The following BDP1 variants were observed in gnomAD, a reference collection of about 807,000 sequenced individuals.
The protein encoded by BDP1 is transcription factor TFIIIB component B'' homolog.
A neutral mutation model predicts 266.6 loss-of-function variants in BDP1; 169 were observed. The observed-to-expected ratio is 0.63, with a 90% CI of 0.56 to 0.72. The LOEUF is 0.72. Among genes scored for constraint, BDP1 ranks in the 30% least tolerant of loss-of-function variants. The pLI, the probability that BDP1 is intolerant of heterozygous loss-of-function variation, is 0.00. For synonymous variants in BDP1, 1,090 were observed against 1,022.4 expected (o/e 1.07, Z -1.26); for missense variants, 3,015 against 3,053.8 (o/e 0.99, Z 0.30).
At chr5:71,532,688 A>G in intron 26 of BDP1, among the ~76,000 whole-genome samples, 1 of 152,314 alleles carries the variant, frequency 6.6e-6, no homozygotes, top group East Asian at 1.9e-4. Flanking sequence ...AAGTTAAAAT[A>G]TATTCTGTTG....
chr5:71,552,485 C>T (rs377091051), intron 34 of BDP1, among the ~76,000 whole-genome samples: 2 of 151,808 alleles, frequency 1.3e-5, no homozygotes, highest in African/African-American at 2.4e-5. Context: ...GAGGTGGAGG[C>T]TGTAGCGAGC....
chr5:71,568,250 G>C (rs1423405025), downstream of BDP1, among the ~76,000 whole-genome samples: 1 of 152,170 alleles, frequency 6.6e-6, no homozygotes, highest in Non-Finnish European at 1.5e-5. Context: ...ACTCCACACA[G>C]CATCTCTGTT....
chr5:71,547,554 A>G (rs1742424928), intron 32 of BDP1, among the ~76,000 whole-genome samples: 1 of 152,204 alleles, frequency 6.6e-6, no homozygotes, highest in South Asian at 2.1e-4. Context: ...AACTTGTCAA[A>G]TGAGACCAAC....
intron 2 of BDP1, among the ~76,000 whole-genome samples, chr5:71,459,855 T>G (rs1761431473): frequency 6.6e-6 from 1 of 152,184 alleles, no homozygotes; most frequent in Non-Finnish European, 1.5e-5. Context: ...ATGTTTTGAG[T>G]GCCAAAGTGA....
chr5:71,475,253 A>G (rs1762513723), intron 7 of BDP1, among the ~76,000 whole-genome samples: 1 of 152,028 alleles, frequency 6.6e-6, no homozygotes, highest in Non-Finnish European at 1.5e-5. Flanking sequence ...GACTACAGGC[A>G]CATGCCACTA....
intron 27 of BDP1, 24 bp downstream of exon 27, chr5:71,539,102 TA>T: frequency 6.5e-7 from 1 of 1,528,466 alleles, no homozygotes; most frequent in South Asian, 1.1e-5. Context: ...AGGAAACTGC[TA>T]AGACTACCTT....
chr5:71,538,929 T>A, intron 26 of BDP1, 113 bp from the exon 27 acceptor site: 1 of 705,120 alleles, frequency 1.4e-6, no homozygotes, highest in Non-Finnish European at 2.5e-6. Flanking sequence ...CAAACCAGTT[T>A]ACACTATTGT....
intron 24 of BDP1, among the ~76,000 whole-genome samples, chr5:71,523,236 T>C (rs749049853): frequency 1.3e-5 from 2 of 152,198 alleles, no homozygotes; most frequent in Non-Finnish European, 2.9e-5. Context: ...TGCTGCCTCC[T>C]TTTTCTTTTA....
intron 13 of BDP1, among the ~76,000 whole-genome samples, chr5:71,498,273 A>G (rs939116699): frequency 4.0e-5 from 6 of 151,448 alleles, no homozygotes; most frequent in Non-Finnish European, 8.8e-5. Flanking sequence ...TAAGTTAGCA[A>G]AAATTTGGAA....
At chr5:71,502,968 A>T (rs934913299) in intron 15 of BDP1, among the ~76,000 whole-genome samples, 177 bp downstream of exon 15, 11 of 148,806 alleles carry the variant, frequency 7.4e-5, no homozygotes, top group African/African-American at 2.7e-4. Flanking sequence ...GCCTCACTGC[A>T]ACCTCTGCCA....
At chr5:71,525,969 T>A (rs13161017) in intron 25 of BDP1, among the ~76,000 whole-genome samples, 255 of 133,560 alleles carry the variant, frequency 1.9e-3, no homozygotes, top group South Asian at 3.2e-3. Flanking sequence ...GCAGCCAGGC[T>A]GAGAGGCTCC....
intron 23 of BDP1, 85 bp from the exon 24 acceptor site, chr5:71,522,671 T>TA: frequency 1.5e-6 from 2 of 1,338,402 alleles, no homozygotes; most frequent in Non-Finnish European, 2.1e-6. Context: ...TGTGTAAACT[T>TA]AGAGGTTTAG....
intron 37 of BDP1, 72 bp from the exon 38 acceptor site, chr5:71,562,195 CAAAAAAA>C (rs564127239): frequency 3.1e-3 from 1,403 of 458,260 alleles, no homozygotes; most frequent in Middle Eastern, 4.6e-3. Flanking sequence ...GACTGCGTCT[CAAAAAAA>C]AAAAAAAAAA....
At chr5:71,519,700 T>G (rs1468469837) in intron 22 of BDP1, among the ~76,000 whole-genome samples, 2 of 152,228 alleles carry the variant, frequency 1.3e-5, no homozygotes, top group Non-Finnish European at 2.9e-5. Context: ...TTTCTCACTT[T>G]CTTTATTCAT....
intron 34 of BDP1, among the ~76,000 whole-genome samples, chr5:71,552,033 G>T (rs1561783214): frequency 6.6e-6 from 1 of 151,012 alleles, no homozygotes; most frequent in African/African-American, 2.4e-5. Flanking sequence ...CGGGGTGGCT[G>T]CCGGGCGGAG....
intron 32 of BDP1, 51 bp downstream of exon 32, chr5:71,545,270 TAA>T (rs551099145): frequency 1.8e-4 from 225 of 1,238,350 alleles, no homozygotes; most frequent in South Asian, 3.0e-4. Flanking sequence ...TTCCTCCATT[TAA>T]AAAAAAAAAG....
chr5:71,488,086 T>A (rs1244049158), intron 9 of BDP1, among the ~76,000 whole-genome samples: 1 of 152,248 alleles, frequency 6.6e-6, no homozygotes, highest in Non-Finnish European at 1.5e-5. Context: ...TCTTGTATGT[T>A]ACAGGTGATA....
chr5:71,559,931 G>T, intron 36 of BDP1, 51 bp from the exon 37 acceptor site: 1 of 1,575,370 alleles, frequency 6.3e-7, no homozygotes. Context: ...GGATTACATG[G>T]AGTGTATTAA....
In BDP1 at chr5:71,548,719, A is replaced by G; in HGVS notation, c.6782A>G (p.Asn2261Ser). 2 of 1,607,166 alleles carry G rather than the reference A, an allele frequency of 1.2e-6. No homozygotes were observed. Among genetic ancestry groups the G allele is most frequent in the Non-Finnish European group, 1.7e-6 (2 of 1,173,970 alleles). ...PTSIPEVQQE[N>S]IINPQDLTVN... ...AGTATTCCAGAAGTCCAACAAGAGA[A>G]TATAATCAATCCTCAAGACCTAACA... The change falls in exon 33 of 39, where the codon AAT becomes AGT. Residue 2261 changes from asparagine to serine, a missense_variant. By Grantham distance (46) the Asn-to-Ser change is conservative. This residue lies in a region of BDP1 where 629 missense variants were observed against 632.5 expected (regional missense o/e 0.99). Coordinates refer to ENST00000358731, the MANE Select transcript of BDP1 (RefSeq NM_018429.3).
Sources: allele counts gnomAD v4.1 joint callset (sites outside exome capture counted in the v4.1 genomes callset), GRCh38; gene constraint gnomAD v4.1.1; regional missense constraint gnomAD v4.1.1; transcripts MANE v1.5; gene names NCBI Gene and HGNC (gene_info 2026-07-23, HGNC 2026-07-21).